Variants in DCUN1D4 observed in about 807,000 individuals in gnomAD.
DCUN1D4 encodes defective in cullin neddylation 1 domain containing 4.
In DCUN1D4, 22 loss-of-function variants were observed where a neutral mutation model predicts 47.9. The observed-to-expected ratio is 0.46, with a 90% confidence interval of 0.33 to 0.66. DCUN1D4 has a LOEUF of 0.66. Among genes scored for constraint, DCUN1D4 ranks in the 30% least tolerant of loss-of-function variants. DCUN1D4 has a pLI of 0.02. For missense variants in DCUN1D4, 301 were observed against 340.8 expected (o/e 0.88, Z 0.92); for synonymous variants, 121 against 112.2 (o/e 1.08, Z -0.50).
chr4:51,850,945 G>A (rs1723272243), intron 1 of DCUN1D4, among the ~76,000 whole-genome samples: 1 of 152,140 alleles, frequency 6.6e-6, no homozygotes. Flanking sequence ...GGTGCTTAGA[G>A]TTGTGGGGGA....
At chr4:51,887,236 G>A (rs1729644510) in intron 6 of DCUN1D4, 1 of 378,052 alleles carries the variant, frequency 2.6e-6, no homozygotes, top group Admixed American at 3.5e-5. Flanking sequence ...TGAGTAGCTG[G>A]GACTACAGGT....
At chr4:51,881,492 A>G (rs746096960) in intron 5 of DCUN1D4, among the ~76,000 whole-genome samples, 3 of 152,156 alleles carry the variant, frequency 2.0e-5, no homozygotes, top group Non-Finnish European at 4.4e-5. Flanking sequence ...TTATGGGGCC[A>G]TTATGAAAAG....
At chr4:51,904,988 T>C (rs1323737975) in intron 8 of DCUN1D4, among the ~76,000 whole-genome samples, 5 of 152,192 alleles carry the variant, frequency 3.3e-5, no homozygotes, top group Non-Finnish European at 5.9e-5. Flanking sequence ...TCTGCTTTAA[T>C]ATGCTGGGAA....
chr4:51,887,909 T>G (rs1729765759), intron 6 of DCUN1D4, among the ~76,000 whole-genome samples: 2 of 151,752 alleles, frequency 1.3e-5, no homozygotes, highest in African/African-American at 4.8e-5. Flanking sequence ...TTTTGGTTTT[T>G]TTTTTTTTTT....
intron 5 of DCUN1D4, among the ~76,000 whole-genome samples, chr4:51,885,301 G>A (rs1166166078): frequency 6.6e-6 from 1 of 152,172 alleles, no homozygotes; most frequent in Non-Finnish European, 1.5e-5. Flanking sequence ...AGAGCATGGT[G>A]CAGGAGAGGC....
intron 7 of DCUN1D4, among the ~76,000 whole-genome samples, chr4:51,895,245 CAGAA>C (rs993383856): frequency 8.0e-5 from 12 of 150,642 alleles, no homozygotes; most frequent in African/African-American, 2.7e-4. Context: ...GTGATAGAAA[CAGAA>C]AGCCCATCGG....
chr4:51,884,929 T>C (rs1430654710), intron 5 of DCUN1D4: 1 of 152,122 alleles, frequency 6.6e-6, no homozygotes. Flanking sequence ...GCTGGGTGTG[T>C]GTTCGGTGGT....
intron 5 of DCUN1D4, among the ~76,000 whole-genome samples, chr4:51,884,174 T>C (rs1327701737): frequency 1.3e-5 from 2 of 152,128 alleles, no homozygotes; most frequent in Non-Finnish European, 2.9e-5. Context: ...GTATTTGCTT[T>C]GGCCAGATTA....
chr4:51,844,740 A>T (rs999792695), intron 1 of DCUN1D4: 3 of 754,650 alleles, frequency 4.0e-6, no homozygotes, highest in Non-Finnish European at 4.8e-6. Context: ...GTCTCCAGTC[A>T]ACGGGTATGA....
chr4:51,889,710 G>C (rs1457940429), intron 6 of DCUN1D4, among the ~76,000 whole-genome samples: 1 of 152,152 alleles, frequency 6.6e-6, no homozygotes, highest in Non-Finnish European at 1.5e-5. Context: ...TTGGTTAGTT[G>C]TCCTAGGTAA....
chr4:51,910,862 A>G (rs977910248), intron 8 of DCUN1D4: 2 of 559,210 alleles, frequency 3.6e-6, no homozygotes, highest in Non-Finnish European at 6.2e-6. Flanking sequence ...TCTTTCTCAC[A>G]GTAAATTTAT....
chr4:51,878,432 C>A (rs979670656), intron 5 of DCUN1D4, among the ~76,000 whole-genome samples: 2 of 152,164 alleles, frequency 1.3e-5, no homozygotes, highest in African/African-American at 4.8e-5. Flanking sequence ...GCTGAAGGCT[C>A]TTTTATCTTT....
At chr4:51,906,546 AAC>A (rs1240104531) in intron 8 of DCUN1D4, among the ~76,000 whole-genome samples, 1 of 151,974 alleles carries the variant, frequency 6.6e-6, no homozygotes, top group Non-Finnish European at 1.5e-5. Context: ...CCCAACCTCA[AAC>A]ACACGTGTGT....
intron 1 of DCUN1D4, among the ~76,000 whole-genome samples, chr4:51,856,089 C>G (rs1368297494): frequency 1.3e-5 from 2 of 152,184 alleles, no homozygotes; most frequent in African/African-American, 4.8e-5. Flanking sequence ...TTGTTCTGTT[C>G]CAGAGACATT....
Position 51,848,468 on chromosome 4 carries a change from G to A in DCUN1D4, c.25+5201G>A, listed in dbSNP as rs1018605991. ...ATTTATTTCTTAAGTTAACAATATA[G>A]TGAGATCACTGAAAGTCTTTCTTCA... On this transcript the variant is annotated intron_variant, in intron 1 of 10. Coordinates refer to ENST00000334635, the MANE Select transcript of DCUN1D4 (RefSeq NM_001040402.3). 6 of 829,304 alleles carry A rather than the reference G, an allele frequency of 7.2e-6. No individual in the cohort carries two copies. The African/African-American group carries it at 1.1e-4, about 15-fold the overall frequency. The allele number at this position is 829,304 out of a possible 1,614,324, so 51.4% of individuals were successfully genotyped here.
In DCUN1D4 at chr4:51,857,843, G is replaced by A. The variant is rs557737329; in HGVS notation, c.26-5594G>A. 7.9e-5 allele frequency among the ~76,000 whole-genome samples: 12 copies of A among 152,234 alleles called. No homozygotes were observed. In the East Asian group the frequency reaches 2.3e-3, roughly 29 times the overall value. On this transcript the variant is annotated intron_variant, in intron 1 of 10. Coordinates refer to ENST00000334635, the MANE Select transcript of DCUN1D4 (RefSeq NM_001040402.3). ...TGAATGTATTGAATTTAAGCCTTTG[G>A]TGCCTTTGTATCTGCGTTTATTCAT...
At chr4:51,884,693 G>C (rs1352189194) in intron 5 of DCUN1D4, among the ~76,000 whole-genome samples, 1 of 152,182 alleles carries the variant, frequency 6.6e-6, no homozygotes, top group African/African-American at 2.4e-5. Flanking sequence ...AGATGAGCTG[G>C]GACTTTGAAT....
chr4:51,897,098 T>A (rs1731387218), intron 7 of DCUN1D4, among the ~76,000 whole-genome samples: 1 of 152,206 alleles, frequency 6.6e-6, no homozygotes. Context: ...AATATCTAGT[T>A]CCTGCTTATC....
chr4:51,850,858 A>G (rs959607847), intron 1 of DCUN1D4, among the ~76,000 whole-genome samples: 2 of 152,160 alleles, frequency 1.3e-5, no homozygotes, highest in Non-Finnish European at 2.9e-5. Context: ...CTGAGGGGCC[A>G]TTCCAGGCAG....
Sources: gnomAD v4.1 joint callset for allele counts (sites outside exome capture counted in the v4.1 genomes callset) on GRCh38, gnomAD v4.1.1 for gene constraint, MANE v1.5 for transcripts, NCBI Gene and HGNC (gene_info 2026-07-23, HGNC 2026-07-21) for gene names.